The following CNOT6 variants were observed in gnomAD, a reference collection of about 807,000 sequenced individuals.
The protein encoded by CNOT6 is carbon catabolite repression 4 protein.
Under a neutral mutation model 61.2 loss-of-function variants are expected in CNOT6, and 12 were observed. That is an observed-to-expected ratio of 0.20 (90% CI 0.13 to 0.32). The LOEUF is 0.32. CNOT6 is among the 10% of genes least tolerant of loss of function. The pLI is 1.00. For synonymous variants in CNOT6, 225 were observed against 240.6 expected, an observed-to-expected ratio of 0.94 and a Z score of 0.60; for missense variants, 405 against 663.9, an observed-to-expected ratio of 0.61 and a Z score of 4.28.
intron 1 of CNOT6, among the ~76,000 whole-genome samples, chr5:180,501,383 CAG>C (rs1010036293): frequency 6.6e-6 from 1 of 151,870 alleles, no homozygotes; most frequent in African/African-American, 2.4e-5. Flanking sequence ...ACTTGGGAAA[CAG>C]AAGAACAGAT....
chr5:180,513,697 ATT>A (rs1554097255), intron 1 of CNOT6, among the ~76,000 whole-genome samples: 1 of 112,396 alleles, frequency 8.9e-6, no homozygotes, highest in African/African-American at 3.2e-5. Context: ...TTATTTATTT[ATT>A]TTTATTTATT....
intron 2 of CNOT6, among the ~76,000 whole-genome samples, chr5:180,535,182 C>T (rs528054260): frequency 6.6e-6 from 1 of 152,398 alleles, no homozygotes; most frequent in African/African-American, 2.4e-5. Flanking sequence ...AAGGGGGCGT[C>T]TGGGGCAGAG....
intron 1 of CNOT6, among the ~76,000 whole-genome samples, chr5:180,510,365 A>G (rs1757336185): frequency 6.6e-6 from 1 of 151,962 alleles, no homozygotes; most frequent in African/African-American, 2.4e-5. Flanking sequence ...AGAGAAACAA[A>G]CAAATGTGAT....
chr5:180,544,000 A>T (rs1026299877), intron 2 of CNOT6, among the ~76,000 whole-genome samples: 2 of 151,856 alleles, frequency 1.3e-5, no homozygotes, highest in Non-Finnish European at 2.9e-5. Context: ...TTTAGTAGAG[A>T]TGGGGTTTCA....
chr5:180,507,936 G>A (rs1229342705), intron 1 of CNOT6, among the ~76,000 whole-genome samples: 3 of 152,168 alleles, frequency 2.0e-5, no homozygotes, highest in Admixed American at 6.5e-5. Flanking sequence ...AGACAGCACC[G>A]AAGGGGAAAA....
At chr5:180,568,551 A>AAAAT (rs917853418) in intron 9 of CNOT6, among the ~76,000 whole-genome samples, 12 of 151,260 alleles carry the variant, frequency 7.9e-5, no homozygotes, top group African/African-American at 1.2e-4. Context: ...GACTCCTCAA[A>AAAAT]AAATAAATAA....
intron 1 of CNOT6, among the ~76,000 whole-genome samples, chr5:180,497,609 A>G (rs556338679): frequency 9.8e-5 from 15 of 152,296 alleles, no homozygotes; most frequent in Admixed American, 3.3e-4. Context: ...TACTTTGGAA[A>G]AGTCCTAATA....
intron 4 of CNOT6, among the ~76,000 whole-genome samples, chr5:180,558,237 A>G (rs147611937): frequency 6.6e-6 from 1 of 152,228 alleles, no homozygotes; most frequent in Non-Finnish European, 1.5e-5. Flanking sequence ...GAGAGGAGAA[A>G]AGAAATGTTC....
At chr5:180,512,649 C>T (rs965436260) in intron 1 of CNOT6, among the ~76,000 whole-genome samples, 11 of 150,722 alleles carry the variant, frequency 7.3e-5, no homozygotes, top group South Asian at 2.1e-4. Context: ...CAGGCTGGAG[C>T]GCAGTGGCGC....
chr5:180,545,378 T>C (rs757096548), intron 2 of CNOT6, among the ~76,000 whole-genome samples: 1 of 152,224 alleles, frequency 6.6e-6, no homozygotes, highest in Non-Finnish European at 1.5e-5. Flanking sequence ...TAGATTAGTA[T>C]GCATTTTGTG....
At chr5:180,499,918 G>C (rs1378702625) in intron 1 of CNOT6, among the ~76,000 whole-genome samples, 9 of 152,080 alleles carry the variant, frequency 5.9e-5, no homozygotes, top group Non-Finnish European at 1.3e-4. Context: ...GCTGGTGGGT[G>C]TTTGAAGTGT....
intron 7 of CNOT6, among the ~76,000 whole-genome samples, chr5:180,566,309 T>C (rs895921776): frequency 6.6e-5 from 10 of 152,226 alleles, no homozygotes; most frequent in African/African-American, 2.4e-4. Flanking sequence ...TTGCCGACCA[T>C]GTTGCTAGAA....
intron 1 of CNOT6, among the ~76,000 whole-genome samples, chr5:180,527,289 C>T (rs187329190): frequency 9.2e-4 from 140 of 152,230 alleles, no homozygotes; most frequent in Middle Eastern, 6.8e-3. Context: ...ATTGCTGTGC[C>T]TCTTAAGTCA....
intron 11 of CNOT6, 74 bp downstream of exon 11, chr5:180,571,506 T>TAA: frequency 9.5e-7 from 1 of 1,055,870 alleles, no homozygotes; most frequent in Admixed American, 1.8e-5. Flanking sequence ...ATTATGTCTT[T>TAA]AAAACTGTGG....
chr5:180,500,042 A>C (rs1164686944), intron 1 of CNOT6, among the ~76,000 whole-genome samples: 3 of 152,114 alleles, frequency 2.0e-5, no homozygotes, highest in Admixed American at 2.0e-4. Flanking sequence ...ATTGTGCTCA[A>C]ATTGTTCTCT....
chr5:180,574,413 GGTGT>G lies in CNOT6; in HGVS notation c.*216_*219del. 1.7e-6 allele frequency: 1 copy of G among 582,418 alleles called. No individual in the cohort carries two copies. Among genetic ancestry groups the G allele is most frequent in the Non-Finnish European group, 3.1e-6 (1 of 325,926 alleles). 36.1% of individuals were successfully genotyped at this position (582,418 alleles called of 1,614,324 possible). A position where few individuals can be genotyped will look rare whatever the true frequency, so the allele number is the denominator to read the frequency against. On this transcript the variant is annotated 3_prime_UTR_variant, in exon 12 of 12. Coordinates refer to ENST00000261951, the MANE Select transcript of CNOT6 (RefSeq NM_001370472.1). ...TGCTTTATACTGCTAGACAGGGATT[GGTGT>G]GTTTGCACCTGTCTTTCATTTGTCA...
intron 4 of CNOT6, among the ~76,000 whole-genome samples, chr5:180,561,722 T>C (rs1174813768): frequency 6.6e-6 from 1 of 152,184 alleles, no homozygotes; most frequent in East Asian, 1.9e-4. Flanking sequence ...GAGTGGGGGC[T>C]CCTCGTTGCT....
At chr5:180,500,816 A>T (rs922822556) in intron 1 of CNOT6, among the ~76,000 whole-genome samples, 16 of 152,148 alleles carry the variant, frequency 1.1e-4, no homozygotes, top group African/African-American at 3.9e-4. Context: ...TCATCGGGTT[A>T]TACAGTAATT....
chr5:180,571,398 T>G lies in CNOT6; in HGVS notation c.1427T>G (p.Leu476Arg). The G allele has an allele frequency of 6.2e-7, 1 of 1,614,150 alleles. No individual in the cohort carries two copies. Among genetic ancestry groups the G allele is most frequent in the Non-Finnish European group, 8.5e-7 (1 of 1,179,968 alleles). Residue 476 changes from leucine to arginine, a missense_variant, in exon 11 of 12, where the codon CTG becomes CGG. Leu to Arg is a moderately radical substitution (Grantham distance 102). Coordinates refer to ENST00000261951, the MANE Select transcript of CNOT6 (RefSeq NM_001370472.1). ...FKLQSAYESGLMPYTNYTFDF... is the reference protein window; with the variant it reads ...FKLQSAYESGRMPYTNYTFDF... ...TTACAGAGTGCCTATGAGAGTGGCC[T>G]GATGCCTTACACGAATTACACATTT...
Sources: gnomAD v4.1 joint callset for allele counts (sites outside exome capture counted in the v4.1 genomes callset) on GRCh38, gnomAD v4.1.1 for gene constraint, MANE v1.5 for transcripts, NCBI Gene and HGNC (gene_info 2026-07-23, HGNC 2026-07-21) for gene names.